ARHGAP11B: variants seen among roughly 807,000 people sequenced by gnomAD.
ARHGAP11B encodes the protein inactive Rho GTPase-activating protein 11B.
ARHGAP11B carries 14 observed loss-of-function variants against 27.6 expected under a neutral mutation model. The observed-to-expected ratio is 0.51, with a 90% CI of 0.34 to 0.79. ARHGAP11B has a LOEUF of 0.79. Among genes scored for constraint, ARHGAP11B ranks in the 30% least tolerant of loss-of-function variants. ARHGAP11B has a pLI of 0.02. For missense variants in ARHGAP11B, 245 were observed against 320.1 expected (o/e 0.77, Z 1.79); for synonymous variants, 82 against 114.1 (o/e 0.72, Z 1.80).
At position 30,635,646 on chromosome 15, in the gene ARHGAP11B, C is replaced by A. The variant is rs962673588; in HGVS notation, c.*3+13C>A. ...CAACGTGTAGGAGGTAAGTGGTGGT[C>A]CCATTTTATGGAGGTACAGTGATTT... is the stretch of plus-strand genomic sequence containing the variant. On this transcript the variant is annotated intron_variant, in intron 6 of 10. Coordinates refer to ENST00000428041, the Ensembl canonical transcript of ARHGAP11B. 1.9e-6 allele frequency: 3 copies of A among 1,612,902 alleles called. No individual in the cohort carries two copies. The East Asian group carries it at 6.7e-5, about 36-fold the overall frequency.
chr15:30,627,309 G>A (rs947869542), intron 1 of ARHGAP11B, among the ~76,000 whole-genome samples: 14 of 152,114 alleles, frequency 9.2e-5, no homozygotes, highest in East Asian at 7.8e-4. Context: ...CAGTTGTGAC[G>A]ATTAAAAATG....
chr15:30,644,597 C>T (rs1292398546), intron 7 of ARHGAP11B: 1 of 1,315,152 alleles, frequency 7.6e-7, no homozygotes, highest in African/African-American at 1.5e-5. Context: ...ACATATCAAT[C>T]TCAAAAATTG....
rs549301173 is a variant in ARHGAP11B at position 30,646,593 on chromosome 15, G to A, written c.*324+298G>A. The stretch of plus-strand genomic sequence containing the variant: ...GGAAAATGGCGTGAACCCCAGGGGC[G>A]CGGAGCCTGCAGTGAGCTGAGATTG... On this transcript the variant is annotated intron_variant, in intron 9 of 10. Coordinates refer to ENST00000428041, the Ensembl canonical transcript of ARHGAP11B. 8.6e-5 allele frequency among the ~76,000 whole-genome samples: 13 copies of A among 151,628 alleles called. 1 individual carries two copies. In the East Asian group the frequency reaches 2.1e-3, roughly 25 times the overall value.
chr15:30,642,858 G>A (rs192734656), intron 7 of ARHGAP11B, among the ~76,000 whole-genome samples: 2 of 152,204 alleles, frequency 1.3e-5, no homozygotes, highest in Admixed American at 6.5e-5. Context: ...TCTTAGCTGA[G>A]TTGGGTTATT....
intron 8 of ARHGAP11B, among the ~76,000 whole-genome samples, chr15:30,645,789 G>T (rs73377213): frequency 0.021 from 3,212 of 152,042 alleles, 118 homozygotes; most frequent in African/African-American, 0.074. Context: ...TTATACAAAG[G>T]CTCTTTTGTC....
intron 7 of ARHGAP11B, among the ~76,000 whole-genome samples, chr15:30,644,454 T>A (rs1244382283): frequency 1.3e-5 from 2 of 152,066 alleles, no homozygotes; most frequent in Non-Finnish European, 2.9e-5. Context: ...AAATGATTTT[T>A]TAAAATAAAT....
intron 7 of ARHGAP11B, among the ~76,000 whole-genome samples, chr15:30,641,156 C>T (rs1026563075): frequency 2.6e-5 from 4 of 151,890 alleles, no homozygotes; most frequent in South Asian, 2.1e-4. Flanking sequence ...CAATAATAAT[C>T]GTATTATTTT....
chr15:30,641,470 G>A (rs1446535711), intron 7 of ARHGAP11B: 1 of 151,274 alleles, frequency 6.6e-6, no homozygotes, highest in Non-Finnish European at 1.5e-5. Flanking sequence ...CAGGTAGCTG[G>A]GATTATAGGT....
Position 30,639,971 on chromosome 15 carries a change from AGTGTGTGTGTGT to A in ARHGAP11B, c.*78+1182_*78+1193del, listed in dbSNP as rs71103435. On this transcript the variant is annotated intron_variant, in intron 7 of 10. Coordinates refer to ENST00000428041, the Ensembl canonical transcript of ARHGAP11B. ...TAAAATAGACAGTGTTTCAATATAGAGTGTGTGTGTGTGTGTGTGTGTGTGTGTGTGTGTGTG... is the reference window on the plus strand; with the variant it reads ...TAAAATAGACAGTGTTTCAATATAGAGTGTGTGTGTGTGTGTGTGTGTGTG... Among the ~76,000 whole-genome samples the A allele has an allele frequency of 1.9e-3, 274 of 143,272 alleles. 2 individuals are homozygous for A. Among genetic ancestry groups the A allele is most frequent in the Middle Eastern group, 7.2e-3 (2 of 278 alleles). The allele number at this position is 143,272 out of a possible 152,430, so 94.0% of individuals were successfully genotyped here.
intron 1 of ARHGAP11B, among the ~76,000 whole-genome samples, chr15:30,629,365 A>ACC (rs35981302): frequency 1.3e-5 from 2 of 150,634 alleles, no homozygotes; most frequent in South Asian, 2.1e-4. Context: ...AACACGGTGA[A>ACC]CCCCCCCCGC....
At chr15:30,634,952 A>T in intron 4 of ARHGAP11B, 128 bp from the exon 5 acceptor site, 2 of 923,204 alleles carry the variant, frequency 2.2e-6, no homozygotes, top group South Asian at 3.4e-5. Context: ...AATCATGTAG[A>T]TGAAGGGTAA....
intron 7 of ARHGAP11B, among the ~76,000 whole-genome samples, chr15:30,640,839 G>A (rs1316966474): frequency 6.6e-6 from 1 of 151,666 alleles, no homozygotes; most frequent in African/African-American, 2.4e-5. Context: ...TGAAGCTTAT[G>A]TCTGTAGCTT....
rs149823449 is a variant in ARHGAP11B, at chr15:30,637,542, G to A, written c.*4-1204G>A. 9.1e-3 allele frequency among the ~76,000 whole-genome samples: 1,355 copies of A among 149,354 alleles called. 16 individuals are homozygous for A. Among genetic ancestry groups the A allele is most frequent in the African/African-American group, 0.029 (1,207 of 40,986 alleles). On this transcript the variant is annotated intron_variant, in intron 6 of 10. Coordinates refer to ENST00000428041, the Ensembl canonical transcript of ARHGAP11B. ...GAGGTCAGGAGATCGAGACCATCCT[G>A]GCTAACACAGTGAAACCCCGTCTCT... is the stretch of plus-strand genomic sequence containing the variant.
At position 30,634,999 on chromosome 15, in the gene ARHGAP11B, C is replaced by T; in HGVS notation, c.552-81C>T. 2.7e-6 allele frequency: 4 copies of T among 1,495,348 alleles called. No homozygotes were observed. The East Asian group carries it at 6.9e-5, about 26-fold the overall frequency. The allele number at this position is 1,495,348 out of a possible 1,614,324, so 92.6% of individuals were successfully genotyped here. A position where few individuals can be genotyped will look rare whatever the true frequency, so the allele number is the denominator to read the frequency against. On this transcript the variant is annotated intron_variant, in intron 4 of 10. Coordinates refer to ENST00000428041, the Ensembl canonical transcript of ARHGAP11B. ...TGTGTATGACTGATAATAAAGTCTT[C>T]AAAATGTACTACATACGTTATTTTA...
intron 7 of ARHGAP11B, among the ~76,000 whole-genome samples, chr15:30,644,129 A>C (rs1004614613): frequency 4.6e-5 from 7 of 152,034 alleles, no homozygotes; most frequent in Non-Finnish European, 1.0e-4. Flanking sequence ...TATTTACAAA[A>C]AAAAAAAATT....
rs566433165 is a variant in ARHGAP11B at position 30,628,932 on chromosome 15, T to TA, written c.130-1770dup. Among the ~76,000 whole-genome samples, 77 of 152,198 alleles carry TA rather than the reference T, an allele frequency of 5.1e-4. 2 individuals are homozygous for TA. The highest frequency in any genetic ancestry group is 9.7e-4 in the Non-Finnish European group (66 of 67,990). On this transcript the variant is annotated intron_variant, in intron 1 of 10. Transcript: ENST00000428041. Reference sequence around the variant, plus strand: ...TAGTTATATATAACAGAAGTAGACTTACCAGCCTAAGTATCTGGTTTATTT... The same window carrying TA: ...TAGTTATATATAACAGAAGTAGACTTAACCAGCCTAAGTATCTGGTTTATTT...
intron 7 of ARHGAP11B, among the ~76,000 whole-genome samples, chr15:30,641,345 T>C (rs1255065504): frequency 6.6e-6 from 1 of 151,570 alleles, no homozygotes; most frequent in African/African-American, 2.4e-5. Flanking sequence ...TCTCTTTTTT[T>C]TTTTTTTGAG....
intron 7 of ARHGAP11B, among the ~76,000 whole-genome samples, chr15:30,644,074 T>C (rs74011050): frequency 0.021 from 3,199 of 151,994 alleles, 114 homozygotes; most frequent in African/African-American, 0.073. Context: ...GTAAACCCAG[T>C]GCCAACTATA....
At chr15:30,638,581 A>T (rs962004089) in intron 6 of ARHGAP11B, among the ~76,000 whole-genome samples, 165 bp from the exon 7 acceptor site, 7 of 152,062 alleles carry the variant, frequency 4.6e-5, no homozygotes, top group African/African-American at 1.7e-4. Context: ...ATAAAAATAT[A>T]TCCTTTAGTA....
Sources: gnomAD v4.1 joint callset for allele counts (sites outside exome capture counted in the v4.1 genomes callset) on GRCh38, gnomAD v4.1.1 for gene constraint, MANE v1.5 for transcripts, NCBI Gene and HGNC (gene_info 2026-07-23, HGNC 2026-07-21) for gene names.